Variants in IL7 observed in about 807,000 individuals in gnomAD.
IL7 encodes interleukin-7.
In IL7, 3 loss-of-function variants were observed where a neutral mutation model predicts 21.6. The observed-to-expected ratio is 0.14, with a 90% confidence interval of 0.06 to 0.36. IL7 has a LOEUF of 0.36. IL7 is among the 10% of genes least tolerant of loss of function. The pLI, the probability that IL7 is intolerant of heterozygous loss-of-function variation, is 1.00. For synonymous variants in IL7, 62 were observed against 68.1 expected (o/e 0.91, Z 0.44); for missense variants, 175 against 200.2 (o/e 0.87, Z 0.76).
chr8:78,766,861 GGTATAT>G (rs1812771340), intron 2 of IL7, among the ~76,000 whole-genome samples: 1 of 151,986 alleles, frequency 6.6e-6, no homozygotes. Flanking sequence ...TGAATAAAAT[GGTATAT>G]GTATTTTTAA....
intron 2 of IL7, among the ~76,000 whole-genome samples, chr8:78,750,096 A>G (rs1276101722): frequency 6.6e-6 from 1 of 152,120 alleles, no homozygotes; most frequent in African/African-American, 2.4e-5. Context: ...GCCTAAACTC[A>G]AGGGTGACTA....
chr8:78,725,229 T>C (rs1226220409), intron 3 of IL7, among the ~76,000 whole-genome samples: 1 of 151,974 alleles, frequency 6.6e-6, no homozygotes, highest in Non-Finnish European at 1.5e-5. Context: ...AGCCTCCATT[T>C]CCTAGTGAGG....
intron 4 of IL7, chr8:78,678,686 A>T (rs746296890): frequency 1.9e-6 from 3 of 1,593,310 alleles, no homozygotes; most frequent in South Asian, 1.1e-5. Context: ...GAGGGTAACT[A>T]TATAACCTTT....
In IL7 at chr8:78,792,816, A is replaced by G. The variant is rs192569600; in HGVS notation, c.147+5256T>C. 5.4e-3 allele frequency among the ~76,000 whole-genome samples: 823 copies of G among 152,248 alleles called. 10 individuals carry two copies. Among genetic ancestry groups the G allele is most frequent in the African/African-American group, 0.019 (796 of 41,550 alleles). The stretch of plus-strand genomic sequence containing the variant: ...AGAAAGTAGAAAAATCAGAGCCTTA[A>G]CTGCTGATAGAAACGCAAATGGTGC... On this transcript the variant is annotated intron_variant, in intron 2 of 5. Transcript: ENST00000263851.
chr8:78,694,442 T>A (rs1372667987), intron 3 of IL7, among the ~76,000 whole-genome samples: 8 of 152,192 alleles, frequency 5.3e-5, no homozygotes, highest in African/African-American at 1.7e-4. Flanking sequence ...TAGGTATCTA[T>A]GAGTCTTATC....
chr8:78,802,481 A>C (rs968838664), intron 1 of IL7, among the ~76,000 whole-genome samples: 1 of 148,532 alleles, frequency 6.7e-6, no homozygotes, highest in Non-Finnish European at 1.5e-5. Flanking sequence ...TCTAGGCTGG[A>C]GTGCAATGGT....
chr8:78,767,212 G>A (rs560460860), intron 2 of IL7, among the ~76,000 whole-genome samples: 32 of 151,814 alleles, frequency 2.1e-4, no homozygotes, highest in Non-Finnish European at 3.4e-4. Context: ...TGCATACAGT[G>A]TGAGTGAGTG....
intron 1 of IL7, among the ~76,000 whole-genome samples, chr8:78,803,313 T>C (rs910381222): frequency 1.3e-5 from 2 of 152,176 alleles, no homozygotes; most frequent in Non-Finnish European, 2.9e-5. Flanking sequence ...TTTATTGCTA[T>C]TCAACTTTTT....
At chr8:78,680,650 A>C (rs192930453) in intron 4 of IL7, among the ~76,000 whole-genome samples, 1 of 152,240 alleles carries the variant, frequency 6.6e-6, no homozygotes, top group African/African-American at 2.4e-5. Flanking sequence ...AAAGGTAGGC[A>C]TAATTCATAG....
intron 2 of IL7, among the ~76,000 whole-genome samples, chr8:78,782,674 G>T (rs1813376829): frequency 6.6e-6 from 1 of 152,014 alleles, no homozygotes; most frequent in Admixed American, 6.6e-5. Context: ...CCCCTGTTGG[G>T]GGTGGTCTCA....
intron 2 of IL7, among the ~76,000 whole-genome samples, chr8:78,753,250 T>C (rs574827498): frequency 1.3e-5 from 2 of 152,332 alleles, no homozygotes; most frequent in South Asian, 4.1e-4. Flanking sequence ...ATCTGTTGTT[T>C]CCTGACTTTT....
intron 2 of IL7, among the ~76,000 whole-genome samples, chr8:78,741,813 T>C (rs1021895635): frequency 6.6e-6 from 1 of 152,212 alleles, no homozygotes; most frequent in African/African-American, 2.4e-5. Flanking sequence ...AATATAGATC[T>C]ATATGATTGC....
chr8:78,686,115 T>A (rs1285980627), intron 3 of IL7, among the ~76,000 whole-genome samples: 3 of 152,202 alleles, frequency 2.0e-5, no homozygotes, highest in Admixed American at 1.3e-4. Flanking sequence ...ACCTTTCAGA[T>A]GTCCCCACCT....
At chr8:78,727,460 T>C (rs1426537326) in intron 3 of IL7, among the ~76,000 whole-genome samples, 1 of 152,040 alleles carries the variant, frequency 6.6e-6, no homozygotes, top group Non-Finnish European at 1.5e-5. Context: ...TCAGGTCATG[T>C]TGACATTCCA....
intron 2 of IL7, among the ~76,000 whole-genome samples, chr8:78,754,269 A>T (rs1812273252): frequency 6.6e-6 from 1 of 152,196 alleles, no homozygotes; most frequent in Non-Finnish European, 1.5e-5. Flanking sequence ...GAGCCAAATC[A>T]TGAGAAAACT....
At chr8:78,790,855 G>A (rs1213943354) in intron 2 of IL7, among the ~76,000 whole-genome samples, 2 of 151,360 alleles carry the variant, frequency 1.3e-5, no homozygotes, top group African/African-American at 4.9e-5. Flanking sequence ...TGGACCACAA[G>A]CATTTTTAAA....
chr8:78,801,111 G>A (rs1243971302), intron 1 of IL7, among the ~76,000 whole-genome samples: 1 of 152,122 alleles, frequency 6.6e-6, no homozygotes, highest in South Asian at 2.1e-4. Context: ...AATTTGCCTT[G>A]CCTGTTAAGA....
At chr8:78,761,861 T>C in intron 2 of IL7, 5 of 1,611,914 alleles carry the variant, frequency 3.1e-6, no homozygotes, top group Non-Finnish European at 3.4e-6. Flanking sequence ...TGGGATTTCA[T>C]CAGCCTCATG....
At position 78,679,513 on chromosome 8, in the gene IL7, A is replaced by C. The variant is rs139769435; in HGVS notation, n.274-3409T>G. The stretch of plus-strand genomic sequence containing the variant: ...TATATGGTTATTTATTTTTTTCCTG[A>C]AAGTTTCTGATTCATGGTTGACTGA... On this transcript the variant is annotated intron_variant and non_coding_transcript_variant, in intron 4 of 4. Transcript: ENST00000523959. The C allele has an allele frequency of 6.6e-3, 998 of 152,182 alleles. 12 individuals are homozygous for C. Among genetic ancestry groups the C allele is most frequent in the African/African-American group, 0.022 (905 of 41,544 alleles). The allele number at this position is 152,182 out of a possible 1,614,324, so 9.4% of individuals were successfully genotyped here. A position where few individuals can be genotyped will look rare whatever the true frequency, so the allele number is the denominator to read the frequency against.
Sources: gnomAD v4.1 joint callset for allele counts (sites outside exome capture counted in the v4.1 genomes callset) on GRCh38, gnomAD v4.1.1 for gene constraint, MANE v1.5 for transcripts, NCBI Gene and HGNC (gene_info 2026-07-23, HGNC 2026-07-21) for gene names.